Variants in C12orf42 observed in about 807,000 individuals in gnomAD.
The protein encoded by C12orf42 is uncharacterized protein C12orf42.
A neutral mutation model predicts 21.6 loss-of-function variants in C12orf42; 25 were observed. That is an observed-to-expected ratio of 1.16 (90% confidence interval 0.84 to 1.62). The LOEUF (loss-of-function observed/expected upper bound fraction) is 1.62, where lower values mean the gene tolerates loss of function less well. Ranked by LOEUF, C12orf42 falls within the 40% of genes most tolerant of loss-of-function variation. The pLI is 0.00. For synonymous variants in C12orf42, 174 were observed against 175.0 expected, an observed-to-expected ratio of 0.99 and a Z score of 0.05; for missense variants, 483 against 459.3, an observed-to-expected ratio of 1.05 and a Z score of -0.47.
At chr12:103,311,500 G>C (rs2038970480) in intron 4 of C12orf42, among the ~76,000 whole-genome samples, 1 of 152,028 alleles carries the variant, frequency 6.6e-6, no homozygotes, top group South Asian at 2.1e-4. Context: ...CAACTACCAG[G>C]TTGCCTAAGT....
chr12:103,536,931 G>T, the C12orf42 span, among the ~76,000 whole-genome samples: 110,827 of 151,932 alleles, frequency 0.73, 40,805 homozygotes, highest in South Asian at 0.84. Context: ...ACATGCTATA[G>T]TGTCTACCTT....
the C12orf42 span, among the ~76,000 whole-genome samples, chr12:103,197,693 T>C: frequency 6.6e-6 from 1 of 152,238 alleles, no homozygotes; most frequent in Non-Finnish European, 1.5e-5. Flanking sequence ...GTCTGGCTGA[T>C]GTTCCTTCAA....
chr12:103,294,561 GAAAAA>G (rs2037084362), intron 4 of C12orf42, among the ~76,000 whole-genome samples: 1 of 76,368 alleles, frequency 1.3e-5, no homozygotes, highest in Non-Finnish European at 2.6e-5. Flanking sequence ...AAGAAAGAAA[GAAAAA>G]GAAAGGAAGG....
the C12orf42 span, among the ~76,000 whole-genome samples, chr12:103,220,928 A>G: frequency 6.6e-6 from 1 of 152,210 alleles, no homozygotes; most frequent in Non-Finnish European, 1.5e-5. Flanking sequence ...TCTAATCTCT[A>G]ACTGACTATT....
intron 4 of C12orf42, among the ~76,000 whole-genome samples, chr12:103,295,668 T>C (rs2037219356): frequency 6.6e-6 from 1 of 152,134 alleles, no homozygotes; most frequent in Non-Finnish European, 1.5e-5. Flanking sequence ...TGTAAGGAAG[T>C]TAGATCTATA....
chr12:103,224,274 A>G, the C12orf42 span, among the ~76,000 whole-genome samples: 2 of 152,152 alleles, frequency 1.3e-5, no homozygotes, highest in African/African-American at 4.8e-5. Context: ...CCTGAGGAGT[A>G]GTAGAATAGC....
intron 4 of C12orf42, among the ~76,000 whole-genome samples, chr12:103,347,764 C>T (rs527594141): frequency 4.6e-5 from 7 of 152,234 alleles, no homozygotes; most frequent in African/African-American, 1.4e-4. Flanking sequence ...GCGAGATTAA[C>T]AAAGGAGCCC....
chr12:103,453,711 T>C (rs565708588), intron 2 of C12orf42, among the ~76,000 whole-genome samples: 59 of 152,212 alleles, frequency 3.9e-4, no homozygotes, highest in African/African-American at 1.3e-3. Context: ...TCATTAAGCT[T>C]TTAAACTCCT....
At chr12:103,314,231 G>A (rs761618566) in intron 4 of C12orf42, among the ~76,000 whole-genome samples, 2 of 151,986 alleles carry the variant, frequency 1.3e-5, no homozygotes, top group Non-Finnish European at 1.5e-5. Flanking sequence ...GGGCAGGAGA[G>A]GTGTTGGGAG....
At chr12:103,177,855 GTT>G in the C12orf42 span, among the ~76,000 whole-genome samples, 19 of 126,850 alleles carry the variant, frequency 1.5e-4, no homozygotes, top group Admixed American at 1.5e-3. Flanking sequence ...GTGTGTGTGT[GTT>G]TGTGTGTGTG....
intron 2 of C12orf42, among the ~76,000 whole-genome samples, chr12:103,454,650 T>C (rs1037186436): frequency 1.1e-4 from 16 of 152,152 alleles, no homozygotes; most frequent in African/African-American, 3.1e-4. Context: ...CCCTAGCCCA[T>C]TGGATGTTGG....
chr12:103,461,900 G>T (rs1198683640), intron 2 of C12orf42, among the ~76,000 whole-genome samples: 1 of 151,940 alleles, frequency 6.6e-6, no homozygotes, highest in African/African-American at 2.4e-5. Flanking sequence ...AGCTTTGTAA[G>T]TTGCAAAGTG....
intron 1 of C12orf42, among the ~76,000 whole-genome samples, chr12:103,489,355 G>T (rs2138170164): frequency 6.6e-6 from 1 of 152,284 alleles, no homozygotes; most frequent in South Asian, 2.1e-4. Flanking sequence ...CCTGTATGAG[G>T]TGACTGTCAG....
intron 3 of C12orf42, among the ~76,000 whole-genome samples, chr12:103,390,418 C>G (rs1159653866): frequency 6.6e-6 from 1 of 152,146 alleles, no homozygotes; most frequent in Non-Finnish European, 1.5e-5. Flanking sequence ...TTCATCATCC[C>G]AAACAGAAAC....
chr12:103,533,947 C>T, the C12orf42 span, among the ~76,000 whole-genome samples: 332 of 152,272 alleles, frequency 2.2e-3, 3 homozygotes, highest in African/African-American at 7.7e-3. Flanking sequence ...GCCTCGGTTT[C>T]CTCATCTGCA....
the C12orf42 span, among the ~76,000 whole-genome samples, chr12:103,205,194 C>T: frequency 3.3e-5 from 5 of 152,106 alleles, no homozygotes; most frequent in African/African-American, 1.2e-4. Context: ...ATAAGCTGTT[C>T]GATGTTATCT....
chr12:103,479,824 T>C (rs1245676995), intron 1 of C12orf42, among the ~76,000 whole-genome samples: 1 of 152,042 alleles, frequency 6.6e-6, no homozygotes, highest in African/African-American at 2.4e-5. Context: ...TTTAGTACAG[T>C]GCTGGATGGT....
chr12:103,513,540 T>C, the C12orf42 span, among the ~76,000 whole-genome samples: 1 of 152,176 alleles, frequency 6.6e-6, no homozygotes, highest in Admixed American at 6.5e-5. Context: ...CCAAACTTTA[T>C]GATCAGCCTT....
At position 103,406,735 on chromosome 12, in the gene C12orf42, G is replaced by C. The variant is rs191615023; in HGVS notation, c.79-5060C>G. Among the ~76,000 whole-genome samples, 66 of 152,250 alleles carry C rather than the reference G, an allele frequency of 4.3e-4. No individual in the cohort carries two copies. The East Asian group carries it at 0.01, about 24-fold the overall frequency. On this transcript the variant is annotated intron_variant, in intron 2 of 5. Transcript: ENST00000548883. ...GAAAATGGATGCATAAGGTACCAGG[G>C]GAGCTCCTCTCCCAGACCTAAGGAG...
Sources: gnomAD v4.1 joint callset for allele counts (sites outside exome capture counted in the v4.1 genomes callset) on GRCh38, gnomAD v4.1.1 for gene constraint, MANE v1.5 for transcripts, NCBI Gene and HGNC (gene_info 2026-07-23, HGNC 2026-07-21) for gene names.